The following PTPRD variants were observed in gnomAD, a reference collection of about 807,000 sequenced individuals.
The protein encoded by PTPRD is receptor-type tyrosine-protein phosphatase delta.
In PTPRD, 34 loss-of-function variants were observed where a neutral mutation model predicts 214.5. The ratio of observed to expected loss-of-function variants is 0.16; its 90% CI spans 0.12 to 0.21. The LOEUF is 0.21. PTPRD is among the 10% of genes least tolerant of loss of function. The pLI is 1.00. For synonymous variants in PTPRD, 1,128 were observed against 845.7 expected (o/e 1.33, Z -5.79); for missense variants, 2,545 against 2,398.7 (o/e 1.06, Z -1.27).
chr9:9,860,585 G>C (rs1478737429), intron 5 of PTPRD, among the ~76,000 whole-genome samples: 1 of 152,174 alleles, frequency 6.6e-6, no homozygotes, highest in African/African-American at 2.4e-5. Context: ...TGCCTAGCTT[G>C]CAAGAATACC....
At chr9:8,399,622 T>C (rs2092016034) in intron 36 of PTPRD, among the ~76,000 whole-genome samples, 1 of 152,214 alleles carries the variant, frequency 6.6e-6, no homozygotes, top group Non-Finnish European at 1.5e-5. Context: ...AAATTCATTT[T>C]GACTTGGAGT....
chr9:8,555,659 T>C (rs2083502988), intron 14 of PTPRD, among the ~76,000 whole-genome samples: 1 of 152,196 alleles, frequency 6.6e-6, no homozygotes, highest in Non-Finnish European at 1.5e-5. Context: ...TGGGATCTGG[T>C]TTTTATTTTA....
intron 3 of PTPRD, among the ~76,000 whole-genome samples, chr9:10,078,695 C>A (rs1488383327): frequency 6.6e-6 from 1 of 151,968 alleles, no homozygotes; most frequent in African/African-American, 2.4e-5. Context: ...ACCTGTATAA[C>A]AAATCTCCAC....
At chr9:9,430,061 G>C (rs933614381) in intron 8 of PTPRD, among the ~76,000 whole-genome samples, 1 of 152,098 alleles carries the variant, frequency 6.6e-6, no homozygotes, top group African/African-American at 2.4e-5. Context: ...GGGCAATCAG[G>C]CAGGAGAAAG....
chr9:9,985,293 T>C (rs890795471), intron 4 of PTPRD, among the ~76,000 whole-genome samples: 1 of 152,156 alleles, frequency 6.6e-6, no homozygotes, highest in African/African-American at 2.4e-5. Context: ...TATTCTATAA[T>C]CACTCTTTTT....
chr9:9,577,028 G>C (rs1034515795), intron 7 of PTPRD, among the ~76,000 whole-genome samples: 1 of 151,976 alleles, frequency 6.6e-6, no homozygotes, highest in African/African-American at 2.4e-5. Context: ...TATTACTGAC[G>C]TTGTTACACT....
chr9:9,917,605 TAATATGA>T (rs1479086524), intron 5 of PTPRD, among the ~76,000 whole-genome samples: 1 of 151,718 alleles, frequency 6.6e-6, no homozygotes, highest in African/African-American at 2.4e-5. Context: ...AGCATAACCA[TAATATGA>T]AAAGCAGACA....
At chr9:8,516,932 C>G (rs758344401) in intron 21 of PTPRD, among the ~76,000 whole-genome samples, 2 of 151,496 alleles carry the variant, frequency 1.3e-5, no homozygotes, top group Non-Finnish European at 2.9e-5. Context: ...CTGCCTCAGC[C>G]TCCTGAGTAG....
At chr9:10,459,915 A>C (rs563252190) in intron 2 of PTPRD, among the ~76,000 whole-genome samples, 1 of 152,088 alleles carries the variant, frequency 6.6e-6, no homozygotes, top group South Asian at 2.1e-4. Context: ...TTAAATATTA[A>C]CTGCACTTTT....
At chr9:9,002,506 T>C (rs1034275408) in intron 11 of PTPRD, among the ~76,000 whole-genome samples, 9 of 152,064 alleles carry the variant, frequency 5.9e-5, no homozygotes, top group African/African-American at 2.2e-4. Context: ...CTGTTTCTTT[T>C]ATAATTAATT....
intron 11 of PTPRD, among the ~76,000 whole-genome samples, chr9:8,793,734 G>A (rs1020525637): frequency 5.9e-5 from 9 of 152,074 alleles, no homozygotes; most frequent in Admixed American, 1.3e-4. Context: ...CAACATTTGC[G>A]CATGTAATTT....
chr9:9,383,646 T>A (rs1215900378), intron 9 of PTPRD, among the ~76,000 whole-genome samples: 1 of 152,202 alleles, frequency 6.6e-6, no homozygotes, highest in Non-Finnish European at 1.5e-5. Flanking sequence ...TGCTTACATT[T>A]ATTTTTATGA....
At chr9:10,109,502 G>A (rs1400865634) in intron 3 of PTPRD, among the ~76,000 whole-genome samples, 2 of 152,122 alleles carry the variant, frequency 1.3e-5, no homozygotes, top group Non-Finnish European at 2.9e-5. Context: ...AATGCCTTCT[G>A]AACTAATTCT....
intron 10 of PTPRD, among the ~76,000 whole-genome samples, chr9:9,043,288 A>C (rs577006890): frequency 4.0e-4 from 61 of 152,300 alleles, no homozygotes; most frequent in African/African-American, 1.3e-3. Flanking sequence ...TATTAACTGT[A>C]GGTCATTTTT....
At chr9:10,377,703 G>C (rs568142097) in intron 2 of PTPRD, among the ~76,000 whole-genome samples, 4 of 152,112 alleles carry the variant, frequency 2.6e-5, no homozygotes, top group East Asian at 1.9e-4. Flanking sequence ...GGAACAACAG[G>C]TGCTGGAGAG....
intron 14 of PTPRD, among the ~76,000 whole-genome samples, chr9:8,609,848 T>C (rs1329626382): frequency 6.6e-6 from 1 of 152,208 alleles, no homozygotes; most frequent in Non-Finnish European, 1.5e-5. Context: ...ACCGTATTTT[T>C]TCCTTATACA....
At chr9:10,016,718 G>C (rs1207504491) in intron 4 of PTPRD, among the ~76,000 whole-genome samples, 1 of 151,526 alleles carries the variant, frequency 6.6e-6, no homozygotes, top group Admixed American at 6.6e-5. Context: ...AGGCTGGAGT[G>C]CAGTGGCAGG....
intron 39 of PTPRD, among the ~76,000 whole-genome samples, chr9:8,344,396 C>G (rs904323402): frequency 1.3e-5 from 2 of 151,376 alleles, no homozygotes; most frequent in Non-Finnish European, 2.9e-5. Context: ...CAGAATCTTG[C>G]AAAATTGGTA....
chr9:8,948,430 TATATATTTAC>T (rs2099079850), intron 11 of PTPRD, among the ~76,000 whole-genome samples: 1 of 19,372 alleles, frequency 5.2e-5, no homozygotes, highest in Non-Finnish European at 1.3e-4. Context: ...TATATTTATA[TATATATTTAC>T]ATATATATAT....
Sources: gnomAD v4.1 joint callset for allele counts (sites outside exome capture counted in the v4.1 genomes callset) on GRCh38, gnomAD v4.1.1 for gene constraint, MANE v1.5 for transcripts, NCBI Gene and HGNC (gene_info 2026-07-23, HGNC 2026-07-21) for gene names.